Variants in ZCCHC10 observed in about 807,000 individuals in gnomAD.
ZCCHC10 encodes zinc finger CCHC-type containing 10.
In ZCCHC10, 16 loss-of-function variants were observed where a neutral mutation model predicts 19.5. The ratio of observed to expected loss-of-function variants is 0.82; its 90% CI spans 0.56 to 1.25. The LOEUF is 1.25. Ranked by LOEUF, ZCCHC10 falls within the 50% of genes most tolerant of loss-of-function variation. The probability of loss-of-function intolerance (pLI) is 0.00; values close to 1 mark genes in which losing one functional copy is unlikely to be tolerated. For synonymous variants in ZCCHC10, 67 were observed against 72.5 expected, an observed-to-expected ratio of 0.92 and a Z score of 0.38; for missense variants, 197 against 201.0, an observed-to-expected ratio of 0.98 and a Z score of 0.12.
chr5:133,005,468 G>C (rs1403718420), intron 3 of ZCCHC10, among the ~76,000 whole-genome samples: 1 of 152,030 alleles, frequency 6.6e-6, no homozygotes, highest in Non-Finnish European at 1.5e-5. Context: ...CAAAAAATTA[G>C]CCAGGCGTGG....
chr5:133,023,427 T>G (rs1315558325), intron 1 of ZCCHC10, among the ~76,000 whole-genome samples: 1 of 151,800 alleles, frequency 6.6e-6, no homozygotes, highest in African/African-American at 2.4e-5. Flanking sequence ...GTATTTAGAC[T>G]TTTTTCCCCG....
chr5:133,019,996 A>G (rs1764196500), intron 2 of ZCCHC10, among the ~76,000 whole-genome samples: 1 of 151,776 alleles, frequency 6.6e-6, no homozygotes, highest in Non-Finnish European at 1.5e-5. Context: ...GAGAACATAA[A>G]AGATGATCAT....
At position 133,006,926 on chromosome 5, in the gene ZCCHC10, GAACA is replaced by G. The variant is rs766150046; in HGVS notation, c.108-10_108-7del. The G allele has an allele frequency of 1.3e-5, 20 of 1,586,260 alleles. No individual in the cohort carries two copies. Among genetic ancestry groups the G allele is most frequent in the Admixed American group, 3.7e-5 (2 of 54,426 alleles). ...CATGTTGCTTATTTGCTTCACTACA[GAACA>G]AAAAACAGAATACAAGCCTTAAAAT... On this transcript the variant is annotated splice_region_variant and splice_polypyrimidine_tract_variant and intron_variant, in intron 2 of 4. Coordinates refer to ENST00000509437, the MANE Select transcript of ZCCHC10 (RefSeq NM_001300816.3).
chr5:133,006,675 AACCAC>A, intron 3 of ZCCHC10, 79 bp downstream of exon 3: 1 of 1,295,058 alleles, frequency 7.7e-7, no homozygotes, highest in Non-Finnish European at 1.0e-6. Context: ...AAATCTGGAG[AACCAC>A]CATGAAACGT....
At chr5:133,010,855 A>C (rs7731644) in intron 2 of ZCCHC10, among the ~76,000 whole-genome samples, 1 of 152,016 alleles carries the variant, frequency 6.6e-6, no homozygotes, top group African/African-American at 2.4e-5. Context: ...GCAATGGCGC[A>C]ATCTCAGGTC....
At chr5:133,009,134 T>C (rs1031638020) in intron 2 of ZCCHC10, among the ~76,000 whole-genome samples, 1 of 152,042 alleles carries the variant, frequency 6.6e-6, no homozygotes, top group Non-Finnish European at 1.5e-5. Context: ...TCCTGAGTAG[T>C]TGAGACTACA....
At chr5:133,000,941 C>A (rs975248964) in intron 3 of ZCCHC10, among the ~76,000 whole-genome samples, 7 of 151,670 alleles carry the variant, frequency 4.6e-5, no homozygotes, top group African/African-American at 1.7e-4. Flanking sequence ...CCTGCCTGGC[C>A]GAGTTATTTA....
At position 133,022,831 on chromosome 5, in the gene ZCCHC10, A is replaced by G. The variant is rs573980546; in HGVS notation, c.107+10T>C. ...CAAACCTGCAGTTGACACAAAGCTG[A>G]GAGGGATACCTAATAACGATGGATG... On this transcript the variant is annotated intron_variant, in intron 2 of 4. Coordinates refer to ENST00000509437, the MANE Select transcript of ZCCHC10 (RefSeq NM_001300816.3). 4.2e-5 allele frequency: 24 copies of G among 575,112 alleles called. No individual in the cohort carries two copies. In the Admixed American group the frequency reaches 7.4e-4, roughly 18 times the overall value. The allele number at this position is 575,112 out of a possible 1,614,324, so 35.6% of individuals were successfully genotyped here.
intron 2 of ZCCHC10, among the ~76,000 whole-genome samples, chr5:133,016,041 T>G (rs537286288): frequency 6.6e-6 from 1 of 152,326 alleles, no homozygotes; most frequent in East Asian, 1.9e-4. Flanking sequence ...TCCTTCAAGC[T>G]GGATTATGTG....
intron 2 of ZCCHC10, 65 bp from the exon 3 acceptor site, chr5:133,006,985 A>G: frequency 1.4e-6 from 2 of 1,391,818 alleles, no homozygotes; most frequent in East Asian, 2.5e-5. Flanking sequence ...CCTAAAAACT[A>G]TAAAAAAATA....
At chr5:133,019,852 T>A (rs1394654236) in intron 2 of ZCCHC10, among the ~76,000 whole-genome samples, 1 of 150,648 alleles carries the variant, frequency 6.6e-6, no homozygotes, top group African/African-American at 2.5e-5. Context: ...CTTGGGAGGC[T>A]GAGACAGGAG....
chr5:133,010,470 T>C (rs532083936), intron 2 of ZCCHC10, among the ~76,000 whole-genome samples: 2 of 152,266 alleles, frequency 1.3e-5, no homozygotes, highest in African/African-American at 2.4e-5. Flanking sequence ...CAAATTTCCA[T>C]ATTTTGTGGA....
intron 1 of ZCCHC10, among the ~76,000 whole-genome samples, chr5:133,023,317 C>G (rs916456338): frequency 6.6e-6 from 1 of 152,050 alleles, no homozygotes; most frequent in African/African-American, 2.4e-5. Context: ...GATGTAAGTA[C>G]AGTTTACAAG....
intron 2 of ZCCHC10, among the ~76,000 whole-genome samples, chr5:133,008,879 G>T (rs1173941861): frequency 6.6e-6 from 1 of 152,166 alleles, no homozygotes; most frequent in Non-Finnish European, 1.5e-5. Flanking sequence ...CGCGTGTGGT[G>T]GCAAACAGCT....
chr5:133,022,493 C>T (rs924905234), intron 2 of ZCCHC10, among the ~76,000 whole-genome samples: 2 of 149,628 alleles, frequency 1.3e-5, no homozygotes, highest in South Asian at 2.1e-4. Context: ...CTCGGTCTGT[C>T]GCCAGGCTGG....
chr5:133,024,772 G>A (rs142185317), intron 1 of ZCCHC10, among the ~76,000 whole-genome samples: 8,402 of 152,172 alleles, frequency 0.055, 362 homozygotes, highest in Non-Finnish European at 0.086. Flanking sequence ...GCATGGTGGC[G>A]GACGCCTGTA....
At chr5:133,018,727 C>G (rs1312374446) in intron 2 of ZCCHC10, among the ~76,000 whole-genome samples, 2 of 152,050 alleles carry the variant, frequency 1.3e-5, no homozygotes. Context: ...TTTTTATGGG[C>G]AAGAATCTTC....
intron 3 of ZCCHC10, among the ~76,000 whole-genome samples, chr5:133,006,380 T>C (rs993352045): frequency 2.0e-5 from 3 of 152,194 alleles, no homozygotes; most frequent in African/African-American, 7.2e-5. Flanking sequence ...TCAATTGTCA[T>C]TTCATTGACA....
chr5:133,007,213 A>G (rs1763177116), intron 2 of ZCCHC10, among the ~76,000 whole-genome samples: 1 of 152,128 alleles, frequency 6.6e-6, no homozygotes, highest in Admixed American at 6.6e-5. Context: ...TTCTTGTGAT[A>G]GTGAATAAAT....
Sources: gnomAD v4.1 joint callset for allele counts (sites outside exome capture counted in the v4.1 genomes callset) on GRCh38, gnomAD v4.1.1 for gene constraint, MANE v1.5 for transcripts, NCBI Gene and HGNC (gene_info 2026-07-23, HGNC 2026-07-21) for gene names.